TENM4: variants seen among roughly 807,000 people sequenced by gnomAD.
TENM4 encodes the protein teneurin-4.
A neutral mutation model predicts 243.3 loss-of-function variants in TENM4; 82 were observed. The ratio of observed to expected loss-of-function variants is 0.34; its 90% CI spans 0.28 to 0.40. The LOEUF (loss-of-function observed/expected upper bound fraction) is 0.40. Among genes scored for constraint, TENM4 ranks in the 10% least tolerant of loss-of-function variants. The probability of loss-of-function intolerance (pLI) is 1.00; values close to 1 mark genes in which losing one functional copy is unlikely to be tolerated. For synonymous variants in TENM4, 1,412 were observed against 1,456.3 expected (o/e 0.97, Z 0.69); for missense variants, 3,138 against 3,673.3 (o/e 0.85, Z 3.77).
chr11:78,688,320 C>T lies in TENM4; in HGVS notation c.5088-94G>A, dbSNP rs564946292. ...TACCTCATGCCATGGTTTTGCTGTG[C>T]TCTGCTTTTCTTTCTGGCTGGATAC... On this transcript the variant is annotated intron_variant, in intron 28 of 33. Coordinates refer to ENST00000278550, the MANE Select transcript of TENM4 (RefSeq NM_001098816.3). 27 of 1,362,408 alleles carry T rather than the reference C, an allele frequency of 2.0e-5. No individual in the cohort carries two copies. The South Asian group carries it at 2.5e-4, about 12-fold the overall frequency. 84.4% of individuals were successfully genotyped at this position (1,362,408 alleles called of 1,614,324 possible).
intron 19 of TENM4, among the ~76,000 whole-genome samples, chr11:78,746,789 C>T (rs1238858037): frequency 6.6e-6 from 1 of 152,206 alleles, no homozygotes; most frequent in East Asian, 1.9e-4. Context: ...GTTTTCTATG[C>T]TGTGTGGCCA....
intron 2 of TENM4, among the ~76,000 whole-genome samples, chr11:79,247,157 C>T (rs1286018203): frequency 6.6e-6 from 1 of 151,860 alleles, no homozygotes; most frequent in Non-Finnish European, 1.5e-5. Context: ...TGTCTCACGC[C>T]TGTAATCCCA....
chr11:79,314,204 A>G (rs2135417824), intron 1 of TENM4, among the ~76,000 whole-genome samples: 1 of 152,306 alleles, frequency 6.6e-6, no homozygotes, highest in East Asian at 1.9e-4. Context: ...TAGGAATGAT[A>G]ATGCCTGCCT....
At position 79,173,486 on chromosome 11, in the gene TENM4, G is replaced by T. The variant is rs559427509; in HGVS notation, c.-162-24680C>A. On this transcript the variant is annotated intron_variant, in intron 3 of 33. Transcript: ENST00000278550. ...ATCCAACGTGGCCTATCACCAGGTG[G>T]GTCAGTCTGCCTAATTCTGGGTCCA... is the stretch of plus-strand genomic sequence containing the variant. Among the ~76,000 whole-genome samples, 9 of 152,130 alleles carry T rather than the reference G, an allele frequency of 5.9e-5. No individual in the cohort carries two copies. In the South Asian group the frequency reaches 1.5e-3, roughly 25 times the overall value.
At chr11:79,160,002 TTC>T (rs1862707423) in intron 3 of TENM4, among the ~76,000 whole-genome samples, 1 of 152,244 alleles carries the variant, frequency 6.6e-6, no homozygotes, top group South Asian at 2.1e-4. Context: ...TATTTATTTC[TTC>T]ATTTATTCAT....
rs532078392 is a variant in TENM4, at chr11:79,326,378, C to T, written c.-320-28835G>A. On this transcript the variant is annotated intron_variant, in intron 1 of 33. Coordinates refer to ENST00000278550, the MANE Select transcript of TENM4 (RefSeq NM_001098816.3). The stretch of plus-strand genomic sequence containing the variant: ...GCTCACAGTGAACACTGCCTAAATG[C>T]CTTCCTTGCCTGTATCTTTGCTCCT... Among the ~76,000 whole-genome samples, 29 of 152,270 alleles carry T rather than the reference C, an allele frequency of 1.9e-4. 1 individual carries two copies. In the South Asian group the frequency reaches 5.8e-3, roughly 30 times the overall value.
chr11:79,332,343 C>T (rs1351030721), intron 1 of TENM4, among the ~76,000 whole-genome samples: 58 of 152,178 alleles, frequency 3.8e-4, no homozygotes, highest in Non-Finnish European at 1.6e-4. Flanking sequence ...GGCCACAAAC[C>T]AAATGGCTTC....
chr11:79,259,358 T>C (rs1855752856), intron 2 of TENM4, among the ~76,000 whole-genome samples: 1 of 152,182 alleles, frequency 6.6e-6, no homozygotes, highest in South Asian at 2.1e-4. Flanking sequence ...TACTATCTGT[T>C]ACATGTTAAG....
At chr11:79,354,070 G>C (rs140302707) in intron 1 of TENM4, among the ~76,000 whole-genome samples, 1 of 152,300 alleles carries the variant, frequency 6.6e-6, no homozygotes, top group East Asian at 1.9e-4. Context: ...GTTTATTTTT[G>C]TTGTGACCTT....
In TENM4 at chr11:78,669,373, G is replaced by A; in HGVS notation, c.6972C>T (p.Thr2324=). 1 of 1,613,726 alleles carries A rather than the reference G, an allele frequency of 6.2e-7. No homozygotes were observed. Among genetic ancestry groups the A allele is most frequent in the Non-Finnish European group, 8.5e-7 (1 of 1,179,758 alleles). The change falls in exon 32 of 34, where the codon ACC becomes ACT. Residue 2324 remains threonine, a synonymous_variant. Transcript: ENST00000278550. The surrounding 1 kb of genome is among the most constrained non-coding windows in gnomAD (Gnocchi z 6.4). ...CAGAGCTGGAGTGGTTGTACAGGTGGGTGACCTTGGTGGGGTTGGTCAGGT... is the reference window on the plus strand; with the variant it reads ...CAGAGCTGGAGTGGTTGTACAGGTGAGTGACCTTGGTGGGGTTGGTCAGGT... ...YADLTNPTKV[T]HLYNHSSSEI...
chr11:78,995,032 AG>A (rs548180150), intron 6 of TENM4, among the ~76,000 whole-genome samples: 4 of 152,222 alleles, frequency 2.6e-5, no homozygotes, highest in Non-Finnish European at 5.9e-5. Flanking sequence ...GTAGTGAGTG[AG>A]GTGACAAAGT....
chr11:78,983,399 A>G (rs780484903), intron 6 of TENM4, among the ~76,000 whole-genome samples: 107 of 152,334 alleles, frequency 7.0e-4, no homozygotes, highest in Non-Finnish European at 9.1e-4. Flanking sequence ...TTTGCAGATG[A>G]TGAAAACTAC....
chr11:79,388,473 A>T (rs1253744382), intron 1 of TENM4, among the ~76,000 whole-genome samples: 1 of 152,218 alleles, frequency 6.6e-6, no homozygotes, highest in East Asian at 1.9e-4. Flanking sequence ...TTCCCAGAAA[A>T]TAAACTGGTG....
intron 3 of TENM4, among the ~76,000 whole-genome samples, chr11:79,195,594 T>C (rs371739514): frequency 1.8e-4 from 28 of 152,218 alleles, no homozygotes; most frequent in African/African-American, 6.0e-4. Context: ...TCATGGGCCC[T>C]GTAACCCCTT....
intron 1 of TENM4, among the ~76,000 whole-genome samples, chr11:79,348,633 G>A (rs767138165): frequency 1.3e-5 from 2 of 152,212 alleles, no homozygotes; most frequent in Non-Finnish European, 2.9e-5. Flanking sequence ...TTCATAAGAA[G>A]AGGAAGAGAG....
At chr11:78,740,868 G>T (rs77194239) in intron 19 of TENM4, among the ~76,000 whole-genome samples, 1 of 152,090 alleles carries the variant, frequency 6.6e-6, no homozygotes, top group Admixed American at 6.5e-5. Context: ...ACATTGAATC[G>T]GCACCATTTG....
chr11:79,176,362 A>G (rs1863159792), intron 3 of TENM4, among the ~76,000 whole-genome samples: 1 of 152,174 alleles, frequency 6.6e-6, no homozygotes, highest in African/African-American at 2.4e-5. Context: ...GCCAAGAAAA[A>G]GATGCATTCC....
Position 78,669,521 on chromosome 11 carries a change from C to T in TENM4, c.6824G>A (p.Gly2275Asp). 6.2e-7 allele frequency: 1 copy of T among 1,613,904 alleles called. No homozygotes were observed. Among genetic ancestry groups the T allele is most frequent in the Non-Finnish European group, 8.5e-7 (1 of 1,179,882 alleles). The change falls in exon 32 of 34, where the codon GGC (glycine) becomes GAC (aspartate). Residue 2275 changes from glycine to aspartate, a missense_variant. Physicochemically the swap from Gly to Asp is moderately conservative, Grantham distance 94. Transcript: ENST00000278550. The surrounding 1 kb of genome is among the most constrained non-coding windows in gnomAD (Gnocchi z 6.4). ...GGDIFEYNSA[G>D]LLIKAYNRAG... Reference sequence around the variant, plus strand: ...CCGGTTGTAGGCCTTGATGAGCAGGCCAGCTGAGTTGTACTCAAAGATATC... The same window carrying T: ...CCGGTTGTAGGCCTTGATGAGCAGGTCAGCTGAGTTGTACTCAAAGATATC...
chr11:78,772,645 G>C (rs1856666304), intron 17 of TENM4, among the ~76,000 whole-genome samples: 2 of 148,504 alleles, frequency 1.3e-5, no homozygotes, highest in African/African-American at 5.3e-5. Flanking sequence ...CTCACTAAAT[G>C]GCTGATCAAT....
Sources: allele counts gnomAD v4.1 joint callset (sites outside exome capture counted in the v4.1 genomes callset), GRCh38; gene constraint gnomAD v4.1.1; non-coding constraint Gnocchi (gnomAD v3.1); transcripts MANE v1.5; gene names NCBI Gene and HGNC (gene_info 2026-07-23, HGNC 2026-07-21).